Variants in RIMS2 observed in about 807,000 individuals in gnomAD.
The protein encoded by RIMS2 is regulating synaptic membrane exocytosis 2, also known as regulating synaptic membrane exocytosis protein 2.
RIMS2 carries 59 observed loss-of-function variants against 174.4 expected under a neutral mutation model. That is an observed-to-expected ratio of 0.34 (90% confidence interval 0.27 to 0.42). The LOEUF (loss-of-function observed/expected upper bound fraction) is 0.42, where lower values mean the gene tolerates loss of function less well. Ranked by LOEUF, RIMS2 falls within the 10% of genes least tolerant of loss-of-function variation. RIMS2 has a pLI of 1.00. For synonymous variants in RIMS2, 606 were observed against 572.5 expected, an observed-to-expected ratio of 1.06 and a Z score of -0.84; for missense variants, 1,620 against 1,666.3, an observed-to-expected ratio of 0.97 and a Z score of 0.48.
At chr8:103,612,762 G>A (rs535293834) in intron 1 of RIMS2, among the ~76,000 whole-genome samples, 218 of 152,214 alleles carry the variant, frequency 1.4e-3, no homozygotes, top group African/African-American at 5.1e-3. Flanking sequence ...AGTAGAGACA[G>A]GGTTTCACAA....
intron 19 of RIMS2, among the ~76,000 whole-genome samples, chr8:104,069,189 G>T (rs562758532): frequency 6.6e-6 from 1 of 152,078 alleles, no homozygotes; most frequent in Non-Finnish European, 1.5e-5. Context: ...AGATGATTTT[G>T]CCCAACTATA....
chr8:103,883,743 C>G (rs895326627), intron 3 of RIMS2, among the ~76,000 whole-genome samples: 1 of 151,734 alleles, frequency 6.6e-6, no homozygotes, highest in Admixed American at 6.6e-5. Context: ...AGAGGATATA[C>G]AGAAGCCATT....
At chr8:104,248,613 CCA>C in intron 20 of RIMS2, 86 bp from the exon 27 acceptor site, 1 of 767,264 alleles carries the variant, frequency 1.3e-6, no homozygotes, top group Non-Finnish European at 2.4e-6. Context: ...ACTAGTCTTG[CCA>C]CAATAATGAG....
intron 16 of RIMS2, chr8:103,976,537 T>C: frequency 7.0e-6 from 1 of 142,502 alleles, no homozygotes; most frequent in Non-Finnish European, 1.5e-5. Flanking sequence ...TTTCTTTTTC[T>C]TTTTCTTTTT....
chr8:103,799,772 T>C (rs1265683259), intron 3 of RIMS2, among the ~76,000 whole-genome samples: 1 of 152,202 alleles, frequency 6.6e-6, no homozygotes, highest in Non-Finnish European at 1.5e-5. Context: ...TATTTATCTG[T>C]CAATTTGAAA....
intron 19 of RIMS2, among the ~76,000 whole-genome samples, chr8:104,127,966 G>C (rs1336654736): frequency 6.6e-6 from 1 of 152,150 alleles, no homozygotes; most frequent in East Asian, 1.9e-4. Context: ...TAACACTCAA[G>C]AATTGCTTCA....
downstream of RIMS2, chr8:104,254,836 T>A (rs1007112062): frequency 6.6e-6 from 1 of 152,216 alleles, no homozygotes; most frequent in Non-Finnish European, 1.5e-5. Flanking sequence ...CATATGTGTT[T>A]CTGCTAAAGT....
chr8:103,724,669 A>G (rs1469019267), intron 2 of RIMS2, among the ~76,000 whole-genome samples: 1 of 152,214 alleles, frequency 6.6e-6, no homozygotes, highest in Non-Finnish European at 1.5e-5. Flanking sequence ...TGTACAATAT[A>G]AGATATGGAT....
At chr8:104,095,735 C>T (rs2097751221) in intron 19 of RIMS2, among the ~76,000 whole-genome samples, 1 of 152,038 alleles carries the variant, frequency 6.6e-6, no homozygotes, top group African/African-American at 2.4e-5. Context: ...TGTGTTAGTA[C>T]AAAGCCTGCT....
In RIMS2 at chr8:103,863,420, T is replaced by G. The variant is rs564653189; in HGVS notation, c.699-21878T>G. On this transcript the variant is annotated intron_variant, in intron 3 of 23. Transcript: ENST00000504942. ...ATTGGCCCGAAGTTTTCTTGTGGTA[T>G]GTCTGCCAGATTTTGGTATTAGGCT... is the stretch of plus-strand genomic sequence containing the variant. 1.4e-4 allele frequency among the ~76,000 whole-genome samples: 22 copies of G among 152,264 alleles called. No homozygotes were observed. The East Asian group carries it at 4.2e-3, about 29-fold the overall frequency.
At chr8:103,983,247 G>T (rs2094067928) in intron 16 of RIMS2, among the ~76,000 whole-genome samples, 1 of 152,112 alleles carries the variant, frequency 6.6e-6, no homozygotes, top group South Asian at 2.1e-4. Context: ...AATTGAAGAT[G>T]GCACACACAA....
chr8:103,559,379 A>G (rs1177918477), intron 1 of RIMS2: 2 of 319,950 alleles, frequency 6.3e-6, no homozygotes, highest in Non-Finnish European at 1.2e-5. Context: ...GCTGGTGTCC[A>G]CGGCTGCTTC....
intron 9 of RIMS2, among the ~76,000 whole-genome samples, chr8:103,919,991 T>A (rs2077296805): frequency 6.6e-6 from 1 of 152,166 alleles, no homozygotes; most frequent in Admixed American, 6.5e-5. Flanking sequence ...TTTACAACAA[T>A]CCTATGGGGT....
At chr8:103,893,616 A>C (rs772535054) in intron 4 of RIMS2, among the ~76,000 whole-genome samples, 3 of 152,072 alleles carry the variant, frequency 2.0e-5, no homozygotes, top group Non-Finnish European at 2.9e-5. Context: ...AATGTTTTTT[A>C]CATTTTTGAA....
At chr8:104,170,399 A>G (rs147764384) in intron 19 of RIMS2, among the ~76,000 whole-genome samples, 64 of 152,194 alleles carry the variant, frequency 4.2e-4, no homozygotes, top group African/African-American at 1.4e-3. Flanking sequence ...CTGTTGAACT[A>G]ATCCATTTAT....
At chr8:104,048,466 G>A (rs1330329757) in intron 19 of RIMS2, among the ~76,000 whole-genome samples, 3 of 152,168 alleles carry the variant, frequency 2.0e-5, no homozygotes, top group Non-Finnish European at 4.4e-5. Context: ...TGATAACAGA[G>A]TAGCAGTGAA....
chr8:103,651,016 G>A (rs1246999419), intron 1 of RIMS2, among the ~76,000 whole-genome samples: 1 of 152,222 alleles, frequency 6.6e-6, no homozygotes, highest in East Asian at 1.9e-4. Flanking sequence ...CGGGGCCAAA[G>A]TATGCAAAAC....
At chr8:104,142,687 A>T (rs1407146748) in intron 19 of RIMS2, among the ~76,000 whole-genome samples, 1 of 152,144 alleles carries the variant, frequency 6.6e-6, no homozygotes, top group Non-Finnish European at 1.5e-5. Flanking sequence ...CCTAAGACTT[A>T]AGAACCTTAA....
At chr8:103,771,725 G>A (rs924534700) in intron 3 of RIMS2, among the ~76,000 whole-genome samples, 3 of 151,876 alleles carry the variant, frequency 2.0e-5, no homozygotes, top group Admixed American at 6.6e-5. Flanking sequence ...TAAGCTCCTC[G>A]GCCATGAGAT....
Sources: allele counts gnomAD v4.1 joint callset (sites outside exome capture counted in the v4.1 genomes callset), GRCh38; gene constraint gnomAD v4.1.1; transcripts MANE v1.5; gene names NCBI Gene and HGNC (gene_info 2026-07-23, HGNC 2026-07-21).